Variants in CYFIP1 observed in about 807,000 individuals in gnomAD.
CYFIP1 encodes cytoplasmic FMR1-interacting protein 1.
CYFIP1 carries 58 observed loss-of-function variants against 163.5 expected under a neutral mutation model. The observed-to-expected ratio is 0.35, with a 90% CI of 0.29 to 0.44. The LOEUF (loss-of-function observed/expected upper bound fraction) is 0.44, where lower values mean the gene tolerates loss of function less well. CYFIP1 is among the 20% of genes least tolerant of loss of function. The pLI, the probability that CYFIP1 is intolerant of heterozygous loss-of-function variation, is 1.00. For missense variants in CYFIP1, 1,338 were observed against 1,653.8 expected, an observed-to-expected ratio of 0.81 and a Z score of 3.31; for synonymous variants, 663 against 660.7, an observed-to-expected ratio of 1.00 and a Z score of -0.05.
At chr15:22,945,868 C>T (rs1409605860) in intron 3 of CYFIP1, among the ~76,000 whole-genome samples, 1 of 152,016 alleles carries the variant, frequency 6.6e-6, no homozygotes, top group African/African-American at 2.4e-5. Flanking sequence ...CAGGCGTGGG[C>T]CACTGCGCCC....
rs1050137 is a variant in CYFIP1 at position 22,869,665 on chromosome 15, C to T, written c.*363G>A. On this transcript the variant is annotated 3_prime_UTR_variant, in exon 31 of 31. Transcript: ENST00000617928. ...TCCCTAAACAAAAGCTAAATAGTTA[C>T]AGTTAATGGTAACTGGCAAGGGATT... The T allele has an allele frequency of 0.12, 19,315 of 161,754 alleles. 2,869 individuals are homozygous for T. Among genetic ancestry groups the T allele is most frequent in the African/African-American group, 0.36 (15,027 of 41,766 alleles). The allele number at this position is 161,754 out of a possible 1,614,324, so 10.0% of individuals were successfully genotyped here. A position where few individuals can be genotyped will look rare whatever the true frequency, so the allele number is the denominator to read the frequency against.
intron 9 of CYFIP1, 144 bp downstream of exon 9, chr15:22,936,960 C>T (rs1383547161): frequency 1.3e-5 from 8 of 639,746 alleles, no homozygotes; most frequent in Non-Finnish European, 1.9e-5. Context: ...GTCACCTCTG[C>T]AGACGGGAGA....
intron 1 of CYFIP1, among the ~76,000 whole-genome samples, chr15:22,954,308 C>G (rs939312234): frequency 1.1e-4 from 16 of 152,192 alleles, no homozygotes; most frequent in Admixed American, 6.5e-4. Flanking sequence ...CCTGCCTGAT[C>G]TGTGGTGTTT....
chr15:22,979,026 A>G (rs951974666), intron 1 of CYFIP1, among the ~76,000 whole-genome samples: 4 of 152,174 alleles, frequency 2.6e-5, no homozygotes, highest in African/African-American at 9.6e-5. Flanking sequence ...ACACAAACTT[A>G]GGGGGTACAT....
At chr15:22,968,699 C>A (rs2062992957) in intron 1 of CYFIP1, among the ~76,000 whole-genome samples, 1 of 152,220 alleles carries the variant, frequency 6.6e-6, no homozygotes, top group Non-Finnish European at 1.5e-5. Context: ...GTCTCCTTGA[C>A]AGGAACAAGG....
rs781739018 is a variant in CYFIP1 at position 22,881,955 on chromosome 15, G to T, written c.2821-19C>A. On this transcript the variant is annotated intron_variant, in intron 24 of 30. Coordinates refer to ENST00000617928, the MANE Select transcript of CYFIP1 (RefSeq NM_014608.6). The stretch of plus-strand genomic sequence containing the variant: ...CTTGCAGCTGCCGGGGAGATGAGAC[G>T]GGCTGCGTCAGCCACCCCACTCCGC... 1 of 1,606,232 alleles carries T rather than the reference G, an allele frequency of 6.2e-7. No individual in the cohort carries two copies. The highest frequency in any genetic ancestry group is 8.5e-7 in the Non-Finnish European group (1 of 1,176,492).
At chr15:22,948,201 C>G (rs2062125292) in intron 1 of CYFIP1, among the ~76,000 whole-genome samples, 1 of 152,130 alleles carries the variant, frequency 6.6e-6, no homozygotes, top group South Asian at 2.1e-4. Context: ...CAGGAAGCCC[C>G]AGTGGCAGTG....
rs553133725 is a variant in CYFIP1, at chr15:22,912,092, A to G, written c.2082+87T>C. ...TGGTTTATACTGTCTTATATTTTAAAGAAAGTTGAATACTTGGGAGAAAAC... is the reference window on the plus strand; with the variant it reads ...TGGTTTATACTGTCTTATATTTTAAGGAAAGTTGAATACTTGGGAGAAAAC... On this transcript the variant is annotated intron_variant, in intron 18 of 30. Coordinates refer to ENST00000617928, the MANE Select transcript of CYFIP1 (RefSeq NM_014608.6). 2.8e-5 allele frequency: 34 copies of G among 1,234,416 alleles called. No homozygotes were observed. The Admixed American group carries it at 7.1e-4, about 26-fold the overall frequency. 76.5% of individuals were successfully genotyped at this position (1,234,416 alleles called of 1,614,324 possible). A position where few individuals can be genotyped will look rare whatever the true frequency, so the allele number is the denominator to read the frequency against.
At chr15:22,931,526 G>A (rs2061534968) in intron 11 of CYFIP1, among the ~76,000 whole-genome samples, 1 of 151,776 alleles carries the variant, frequency 6.6e-6, no homozygotes, top group South Asian at 2.1e-4. Context: ...GCTTACAGGG[G>A]CCCCAGGTCA....
At chr15:22,873,008 G>C (rs779039232) in intron 29 of CYFIP1, 36 bp from the exon 30 acceptor site, 5 of 1,609,818 alleles carry the variant, frequency 3.1e-6, no homozygotes, top group Admixed American at 1.7e-5. Flanking sequence ...TGGGAGATGA[G>C]TGATACGTTA....
rs1462106457 is a variant in CYFIP1, at chr15:22,916,676, T to C, written c.1675-46A>G. Reference sequence around the variant, plus strand: ...TTTGTGGGGGAGAAAATATACATGGTACATTAGTTATGCCAAACTCAAAAA... The same window carrying C: ...TTTGTGGGGGAGAAAATATACATGGCACATTAGTTATGCCAAACTCAAAAA... On this transcript the variant is annotated intron_variant, in intron 15 of 30. Coordinates refer to ENST00000617928, the MANE Select transcript of CYFIP1 (RefSeq NM_014608.6). 4.3e-6 allele frequency: 7 copies of C among 1,613,952 alleles called. No individual in the cohort carries two copies. The Admixed American group carries it at 1.2e-4, about 27-fold the overall frequency.
At chr15:22,980,667 A>G (rs996794884), upstream of CYFIP1, among the ~76,000 whole-genome samples, 7 of 151,994 alleles carry the variant, frequency 4.6e-5, no homozygotes, top group Middle Eastern at 6.8e-3. Flanking sequence ...AGCGCGAAGG[A>G]ACGGGGTCCG....
chr15:22,919,969 C>A (rs1405804070), intron 13 of CYFIP1, among the ~76,000 whole-genome samples: 1 of 151,802 alleles, frequency 6.6e-6, no homozygotes, highest in East Asian at 1.9e-4. Context: ...CTGCAGTGAG[C>A]CATGACTATG....
intron 13 of CYFIP1, 143 bp downstream of exon 13, chr15:22,925,839 T>C (rs2061339403): frequency 1.6e-6 from 2 of 1,256,002 alleles, no homozygotes; most frequent in Non-Finnish European, 2.2e-6. Context: ...CGTTCTACTC[T>C]GACTACTCTG....
intron 3 of CYFIP1, among the ~76,000 whole-genome samples, chr15:22,945,383 C>T (rs912561456): frequency 3.3e-5 from 5 of 152,172 alleles, no homozygotes; most frequent in Non-Finnish European, 7.4e-5. Flanking sequence ...GCTGCCAGCC[C>T]CGGGTGTGCA....
At chr15:22,963,701 C>T (rs915607208) in intron 1 of CYFIP1, among the ~76,000 whole-genome samples, 3 of 152,226 alleles carry the variant, frequency 2.0e-5, no homozygotes, top group South Asian at 2.1e-4. Context: ...GCAGGCTGGA[C>T]GCTGGCACGT....
At chr15:22,882,088 C>T (rs747572186) in intron 24 of CYFIP1, 152 bp from the exon 25 acceptor site, 18 of 647,818 alleles carry the variant, frequency 2.8e-5, no homozygotes, top group South Asian at 5.6e-5. Flanking sequence ...AAATCCACCC[C>T]GGGAGAGAGA....
chr15:22,873,954 C>T (rs527891377), intron 28 of CYFIP1, among the ~76,000 whole-genome samples: 32 of 152,300 alleles, frequency 2.1e-4, no homozygotes, highest in South Asian at 4.1e-4. Context: ...GATGGGGTTT[C>T]GCCATGTTGC....
chr15:22,967,021 A>C (rs2062934648), intron 1 of CYFIP1, among the ~76,000 whole-genome samples: 2 of 151,322 alleles, frequency 1.3e-5, no homozygotes, highest in Admixed American at 1.3e-4. Context: ...TCTGCAGGGG[A>C]GCCAATAAAA....
Sources: allele counts gnomAD v4.1 joint callset (sites outside exome capture counted in the v4.1 genomes callset), GRCh38; gene constraint gnomAD v4.1.1; transcripts MANE v1.5; gene names NCBI Gene and HGNC (gene_info 2026-07-23, HGNC 2026-07-21).